Variants in DKK2 observed in about 807,000 individuals in gnomAD.
DKK2 encodes the protein dickkopf Wnt signaling pathway inhibitor 2.
A neutral mutation model predicts 28.1 loss-of-function variants in DKK2; 11 were observed. The observed-to-expected ratio is 0.39, with a 90% confidence interval of 0.25 to 0.65. The LOEUF is 0.65. DKK2 is among the 30% of genes least tolerant of loss of function. The pLI is 0.47. For synonymous variants in DKK2, 135 were observed against 126.5 expected, an observed-to-expected ratio of 1.07 and a Z score of -0.45; for missense variants, 326 against 335.5, an observed-to-expected ratio of 0.97 and a Z score of 0.22.
chr4:106,957,130 C>T (rs189052106), intron 1 of DKK2, among the ~76,000 whole-genome samples: 1 of 152,234 alleles, frequency 6.6e-6, no homozygotes, highest in African/African-American at 2.4e-5. Flanking sequence ...GACATTCATG[C>T]AGCCAAAAGA....
chr4:106,987,850 A>G (rs1440467427), intron 1 of DKK2, among the ~76,000 whole-genome samples: 1 of 149,592 alleles, frequency 6.7e-6, no homozygotes, highest in Non-Finnish European at 1.5e-5. Flanking sequence ...CCTAACTGAC[A>G]TGATGTTACT....
At chr4:106,968,274 A>G (rs1722813827) in intron 1 of DKK2, among the ~76,000 whole-genome samples, 1 of 152,162 alleles carries the variant, frequency 6.6e-6, no homozygotes, top group Admixed American at 6.6e-5. Context: ...AGTCAAATCA[A>G]TTCCCCATCT....
chr4:106,958,789 A>G (rs1293971821), intron 1 of DKK2, among the ~76,000 whole-genome samples: 1 of 150,456 alleles, frequency 6.6e-6, no homozygotes, highest in African/African-American at 2.4e-5. Flanking sequence ...GTGAGCCAAG[A>G]TCGCGCCACT....
chr4:106,998,943 G>A (rs1177839158), intron 1 of DKK2, among the ~76,000 whole-genome samples: 1 of 152,170 alleles, frequency 6.6e-6, no homozygotes, highest in African/African-American at 2.4e-5. Context: ...AGGAACAACA[G>A]AGGTGTTAAA....
At chr4:107,014,416 C>T (rs1051116556) in intron 1 of DKK2, among the ~76,000 whole-genome samples, 5 of 151,358 alleles carry the variant, frequency 3.3e-5, no homozygotes, top group African/African-American at 9.7e-5. Context: ...TTATTTCACT[C>T]ATATGTAGGA....
chr4:107,001,286 C>G (rs1723356196), intron 1 of DKK2, among the ~76,000 whole-genome samples: 1 of 152,172 alleles, frequency 6.6e-6, no homozygotes, highest in Non-Finnish European at 1.5e-5. Context: ...GAACATGGTT[C>G]TGCCAACACC....
intron 1 of DKK2, among the ~76,000 whole-genome samples, chr4:107,022,576 T>C (rs1019495442): frequency 2.0e-4 from 31 of 152,214 alleles, no homozygotes; most frequent in African/African-American, 7.2e-4. Context: ...GATGACATTG[T>C]GTGCCATGAT....
chr4:107,012,418 T>C (rs1264252295), intron 1 of DKK2, among the ~76,000 whole-genome samples: 1 of 151,310 alleles, frequency 6.6e-6, no homozygotes, highest in African/African-American at 2.4e-5. Flanking sequence ...TTCATCTCTC[T>C]CCAATTTCCT....
intron 1 of DKK2, among the ~76,000 whole-genome samples, chr4:106,973,047 T>C (rs1289262021): frequency 6.6e-6 from 1 of 152,180 alleles, no homozygotes; most frequent in Non-Finnish European, 1.5e-5. Context: ...GCTTCATCCA[T>C]GTCCCTGCAA....
chr4:106,998,331 A>C (rs564301228), intron 1 of DKK2, among the ~76,000 whole-genome samples: 11 of 152,278 alleles, frequency 7.2e-5, no homozygotes, highest in Admixed American at 2.0e-4. Flanking sequence ...TTTCTTCTAG[A>C]AGAAGTATAC....
At chr4:106,935,012 AC>A (rs1724558443) in intron 1 of DKK2, among the ~76,000 whole-genome samples, 1 of 151,936 alleles carries the variant, frequency 6.6e-6, no homozygotes, top group South Asian at 2.1e-4. Flanking sequence ...CCAAATGATT[AC>A]CTACAGAGTT....
At position 106,923,763 on chromosome 4, in the gene DKK2, G is replaced by A; in HGVS notation, c.*191C>T. ...AAGTTGCATAATGGAAACACTGGCT[G>A]CACTGCATTTGTCACCCATTCTAAT... On this transcript the variant is annotated 3_prime_UTR_variant, in exon 4 of 4. Coordinates refer to ENST00000285311, the MANE Select transcript of DKK2 (RefSeq NM_014421.3). The A allele has an allele frequency of 2.9e-6, 2 of 701,454 alleles. No homozygotes were observed. The highest frequency in any genetic ancestry group is 2.3e-6 in the Non-Finnish European group (1 of 436,386). 43.5% of individuals were successfully genotyped at this position (701,454 alleles called of 1,614,324 possible).
intron 1 of DKK2, among the ~76,000 whole-genome samples, chr4:106,930,172 C>A (rs988503277): frequency 6.6e-6 from 1 of 151,972 alleles, no homozygotes; most frequent in Non-Finnish European, 1.5e-5. Context: ...CATTTAAACT[C>A]AATGTAAATC....
At position 106,962,489 on chromosome 4, in the gene DKK2, CTATGTGTGTGTGTGTG is replaced by C. The variant is rs1240243698; in HGVS notation, c.223-36556_223-36541del. On this transcript the variant is annotated intron_variant, in intron 1 of 3. Coordinates refer to ENST00000285311, the MANE Select transcript of DKK2 (RefSeq NM_014421.3). Reference sequence around the variant, plus strand: ...TCTTCAAGAAATGGAGCCAGAAAAACTATGTGTGTGTGTGTGTGTGTGTGTGTGTGTGTGTGTGTGT... The same window carrying C: ...TCTTCAAGAAATGGAGCCAGAAAAACTGTGTGTGTGTGTGTGTGTGTGTGT... Among the ~76,000 whole-genome samples, 16 of 113,122 alleles carry C rather than the reference CTATGTGTGTGTGTGTG, an allele frequency of 1.4e-4. No individual in the cohort carries two copies. The East Asian group carries it at 4.1e-3, about 29-fold the overall frequency. The allele number at this position is 113,122 out of a possible 152,430, so 74.2% of individuals were successfully genotyped here. A position where few individuals can be genotyped will look rare whatever the true frequency, so the allele number is the denominator to read the frequency against.
chr4:106,947,877 C>T (rs1724801167), intron 1 of DKK2, among the ~76,000 whole-genome samples: 1 of 151,976 alleles, frequency 6.6e-6, no homozygotes, highest in Admixed American at 6.6e-5. Flanking sequence ...CCTCAAACTC[C>T]TGGCTTCAAG....
intron 1 of DKK2, among the ~76,000 whole-genome samples, chr4:106,935,445 C>T (rs994276477): frequency 5.9e-5 from 9 of 152,248 alleles, no homozygotes; most frequent in Non-Finnish European, 1.3e-4. Context: ...TTATATCCCA[C>T]ACCTGGCTCG....
intron 1 of DKK2, among the ~76,000 whole-genome samples, chr4:107,033,993 A>G (rs1465802148): frequency 6.6e-6 from 1 of 152,136 alleles, no homozygotes; most frequent in East Asian, 1.9e-4. Context: ...AGACCTTAAA[A>G]AAAATCTGAT....
chr4:107,022,130 A>C (rs1476285185), intron 1 of DKK2, among the ~76,000 whole-genome samples: 1 of 152,108 alleles, frequency 6.6e-6, no homozygotes, highest in Admixed American at 6.6e-5. Context: ...AAAAAGAAAA[A>C]CTCATCAAGT....
intron 1 of DKK2, among the ~76,000 whole-genome samples, chr4:107,031,612 C>A (rs1329858312): frequency 6.6e-6 from 1 of 151,926 alleles, no homozygotes; most frequent in Non-Finnish European, 1.5e-5. Context: ...GAAACACATG[C>A]CAGAAAGTTT....
Sources: gnomAD v4.1 joint callset for allele counts (sites outside exome capture counted in the v4.1 genomes callset) on GRCh38, gnomAD v4.1.1 for gene constraint, MANE v1.5 for transcripts, NCBI Gene and HGNC (gene_info 2026-07-23, HGNC 2026-07-21) for gene names.